The following CD96 variants were observed in gnomAD, a reference collection of about 807,000 sequenced individuals.
CD96 encodes the protein T-cell surface protein tactile.
CD96 carries 70 observed loss-of-function variants against 71.3 expected under a neutral mutation model. That is an observed-to-expected ratio of 0.98 (90% CI 0.81 to 1.20). The LOEUF (loss-of-function observed/expected upper bound fraction) is 1.20. Ranked by LOEUF, CD96 falls within the 50% of genes most tolerant of loss-of-function variation. CD96 has a pLI of 0.00. For synonymous variants in CD96, 248 were observed against 233.0 expected (o/e 1.06, Z -0.59); for missense variants, 742 against 677.5 (o/e 1.10, Z -1.06).
At chr3:111,664,593 C>G (rs1940436713) in intron 14 of CD96, among the ~76,000 whole-genome samples, 1 of 152,078 alleles carries the variant, frequency 6.6e-6, no homozygotes, top group South Asian at 2.1e-4. Flanking sequence ...GATCTGTACC[C>G]CAAACCTCAG....
chr3:111,660,955 C>A (rs184590019), intron 14 of CD96, among the ~76,000 whole-genome samples: 1 of 152,254 alleles, frequency 6.6e-6, no homozygotes, highest in African/African-American at 2.4e-5. Flanking sequence ...ATTGGCCTTT[C>A]TACTAGTCCA....
chr3:111,643,433 C>G (rs1021646191), intron 12 of CD96, among the ~76,000 whole-genome samples: 1 of 151,936 alleles, frequency 6.6e-6, no homozygotes, highest in African/African-American at 2.4e-5. Context: ...ACAAGAATGC[C>G]CACTCTCACC....
At chr3:111,573,891 G>C (rs1936101684) in intron 3 of CD96, among the ~76,000 whole-genome samples, 1 of 152,136 alleles carries the variant, frequency 6.6e-6, no homozygotes, top group Non-Finnish European at 1.5e-5. Flanking sequence ...GATTCTAATT[G>C]TCTTTAATAA....
chr3:111,547,053 A>G (rs1458564845), intron 2 of CD96, among the ~76,000 whole-genome samples: 6 of 152,136 alleles, frequency 3.9e-5, no homozygotes, highest in Non-Finnish European at 8.8e-5. Context: ...GGTAGCCTGT[A>G]TTTGGATATT....
intron 8 of CD96, among the ~76,000 whole-genome samples, chr3:111,612,087 C>G (rs1049076244): frequency 6.6e-6 from 1 of 152,150 alleles, no homozygotes. Flanking sequence ...GGGCTGTGAT[C>G]TGAACAACAA....
In CD96 at chr3:111,611,301, A is replaced by G. The variant is rs1003563315; in HGVS notation, c.1180+4509A>G. On this transcript the variant is annotated intron_variant, in intron 8 of 13. Coordinates refer to ENST00000352690, the MANE Select transcript of CD96 (RefSeq NM_005816.5). ...TGGATGATCAGACATTGAGGGGCAC[A>G]GGGTAAAGGAAGCAACTGACCAGGG... Among the ~76,000 whole-genome samples the G allele has an allele frequency of 2.0e-5, 3 of 152,328 alleles. No individual in the cohort carries two copies. The South Asian group carries it at 6.2e-4, about 32-fold the overall frequency.
Position 111,647,653 on chromosome 3 carries a change from T to C in CD96, c.1588T>C (p.Tyr530His), listed in dbSNP as rs1175931004. ...FGLGVRKWCQ[Y>H]QKEIMERPPP... ...TCTTGGAGTGAGAAAATGGTGTCAGTACCAAAAAGAAATGTGAGTATAATA... is the reference window on the plus strand; with the variant it reads ...TCTTGGAGTGAGAAAATGGTGTCAGCACCAAAAAGAAATGTGAGTATAATA... Residue 530 changes from tyrosine (Y) to histidine (H), a missense_variant, in exon 13 of 14, where the codon TAC becomes CAC. Coordinates refer to ENST00000352690, the MANE Select transcript of CD96 (RefSeq NM_005816.5). 1 of 1,608,788 alleles carries C rather than the reference T, an allele frequency of 6.2e-7. No homozygotes were observed. The highest frequency in any genetic ancestry group is 2.2e-5 in the East Asian group (1 of 44,814).
chr3:111,558,092 T>G (rs1935169932), intron 2 of CD96, among the ~76,000 whole-genome samples: 1 of 147,214 alleles, frequency 6.8e-6, no homozygotes, highest in Admixed American at 6.8e-5. Flanking sequence ...CTTATCAGCT[T>G]AAGGAGATTT....
chr3:111,616,520 G>A (rs758852350), intron 8 of CD96, among the ~76,000 whole-genome samples: 2 of 152,126 alleles, frequency 1.3e-5, no homozygotes, highest in African/African-American at 2.4e-5. Flanking sequence ...TAGACATCAT[G>A]AGTGAGCTCT....
intron 5 of CD96, chr3:111,594,439 C>T (rs1937159687): frequency 4.3e-6 from 2 of 461,264 alleles, no homozygotes; most frequent in Admixed American, 3.7e-5. Context: ...CCTTCCATGC[C>T]CCAGATACTT....
Position 111,630,938 on chromosome 3 carries a change from G to A in CD96, c.1322-6258G>A, listed in dbSNP as rs1227696814. On this transcript the variant is annotated intron_variant, in intron 10 of 13. Coordinates refer to ENST00000352690, the MANE Select transcript of CD96 (RefSeq NM_005816.5). ...GATTATCTCAAAAGATGCAGAAAAG[G>A]CCTTCAGTAAAATTTAACATCTTAA... Among the ~76,000 whole-genome samples, 6 of 152,184 alleles carry A rather than the reference G, an allele frequency of 3.9e-5. No homozygotes were observed. The East Asian group carries it at 1.2e-3, about 29-fold the overall frequency.
At chr3:111,628,710 G>A (rs115255297) in intron 10 of CD96, among the ~76,000 whole-genome samples, 14,391 of 152,104 alleles carry the variant, frequency 0.095, 945 homozygotes, top group Non-Finnish European at 0.14. Flanking sequence ...ACACATAATC[G>A]TCAGATTCTC....
chr3:111,596,784 AT>A (rs1291069447), intron 5 of CD96, among the ~76,000 whole-genome samples: 3 of 152,096 alleles, frequency 2.0e-5, no homozygotes, highest in Non-Finnish European at 4.4e-5. Context: ...TTTGCTTTTA[AT>A]TTTTTAGTGG....
intron 5 of CD96, among the ~76,000 whole-genome samples, chr3:111,596,754 T>C (rs915273594): frequency 6.6e-6 from 1 of 152,204 alleles, no homozygotes; most frequent in Non-Finnish European, 1.5e-5. Flanking sequence ...TTAATAAGAA[T>C]GTATTTTAGA....
intron 8 of CD96, among the ~76,000 whole-genome samples, chr3:111,608,348 T>A (rs1331915319): frequency 6.6e-6 from 1 of 152,238 alleles, no homozygotes; most frequent in East Asian, 1.9e-4. Flanking sequence ...CTTTATTTTA[T>A]CTACTAGAAG....
intron 8 of CD96, among the ~76,000 whole-genome samples, chr3:111,617,279 G>A (rs1021282968): frequency 1.3e-5 from 2 of 151,930 alleles, no homozygotes; most frequent in Non-Finnish European, 2.9e-5. Context: ...CCCACCTTCA[G>A]GCCAGGCATG....
chr3:111,610,812 G>A (rs943971249), intron 8 of CD96, among the ~76,000 whole-genome samples: 1 of 152,236 alleles, frequency 6.6e-6, no homozygotes, highest in African/African-American at 2.4e-5. Flanking sequence ...GCCTTGAGGA[G>A]AGAGCCCTGT....
intron 5 of CD96, chr3:111,595,409 C>T (rs1937211100): frequency 6.6e-6 from 1 of 152,180 alleles, no homozygotes; most frequent in South Asian, 2.1e-4. Flanking sequence ...AGGAGGGCAC[C>T]TCCAGTTCTG....
chr3:111,581,756 T>C, intron 4 of CD96, among the ~76,000 whole-genome samples: 1 of 152,244 alleles, frequency 6.6e-6, no homozygotes, highest in East Asian at 1.9e-4. Flanking sequence ...GCTTTTATTC[T>C]GCTGGTATTT....
Sources: allele counts gnomAD v4.1 joint callset (sites outside exome capture counted in the v4.1 genomes callset), GRCh38; gene constraint gnomAD v4.1.1; transcripts MANE v1.5; gene names NCBI Gene and HGNC (gene_info 2026-07-23, HGNC 2026-07-21).